The following FAM120AOS variants were observed in gnomAD, a reference collection of about 807,000 sequenced individuals.
The protein encoded by FAM120AOS is family with sequence similarity 120 member A opposite strand.
In FAM120AOS, 15 loss-of-function variants were observed where a neutral mutation model predicts 20.2. The observed-to-expected ratio is 0.74, with a 90% CI of 0.50 to 1.15. The LOEUF is 1.15. Ranked by LOEUF, FAM120AOS falls within the 50% of genes most tolerant of loss-of-function variation. The pLI is 0.00. For synonymous variants in FAM120AOS, 154 were observed against 154.0 expected (o/e 1.00, Z 0.00); for missense variants, 327 against 351.9 (o/e 0.93, Z 0.57).
In FAM120AOS at chr9:93,450,498, G is replaced by C. The variant is rs1291900056; in HGVS notation, c.665C>G (p.Pro222Arg). 51 of 1,585,654 alleles carry C rather than the reference G, an allele frequency of 3.2e-5. No individual in the cohort carries two copies. Among genetic ancestry groups the C allele is most frequent in the Non-Finnish European group, 4.2e-5 (49 of 1,169,402 alleles). Residue 222 changes from proline (P) to arginine (R), a missense_variant, in exon 2 of 3, where the codon CCC (proline) becomes CGC (arginine). Pro to Arg is a moderately radical substitution (Grantham distance 103). This residue lies in a region of FAM120AOS where 86 missense variants were observed against 82.9 expected (regional missense o/e 1.04). Transcript: ENST00000375412. ...LHAHGLAKEA[P>R]ILPVKKISRS... ...ACTTGCCTTTTTCACCGGGAGTATG[G>C]GGGCTTCTTTGGCCAAACCGTGCGC...
At chr9:93,447,863 A>C (rs1288655995) in intron 2 of FAM120AOS, among the ~76,000 whole-genome samples, 166 bp from the exon 3 acceptor site, 4 of 152,324 alleles carry the variant, frequency 2.6e-5, no homozygotes, top group African/African-American at 9.6e-5. Flanking sequence ...AAGACCAAAA[A>C]ACTCAACTGC....
In FAM120AOS at chr9:93,452,526, T is replaced by G. The variant is rs564664349; in HGVS notation, c.184A>C (p.Arg62=). The change falls in exon 1 of 3, where the codon AGG becomes CGG. Residue 62 remains arginine, a synonymous_variant. Transcript: ENST00000375412. The surrounding 1 kb of genome is among the most constrained non-coding windows in gnomAD (Gnocchi z 7.0). ...RPSILQPGPA[R]LSRARAGGTR... The stretch of plus-strand genomic sequence containing the variant: ...CCCCCAGCCCTTGCCCGGGATAGCC[T>G]GGCCGGGCCGGGCTGCAAGATGGAT... The G allele has an allele frequency of 4.3e-4, 668 of 1,557,906 alleles. 2 individuals carry two copies. The highest frequency in any genetic ancestry group is 1.8e-3 in the Middle Eastern group (9 of 4,892).
At chr9:93,451,908 C>A (rs1857244760) in intron 1 of FAM120AOS, 1 of 1,280,694 alleles carries the variant, frequency 7.8e-7, no homozygotes, top group Non-Finnish European at 9.8e-7. Flanking sequence ...CGCGCCCCCG[C>A]CGCCGCCATG....
rs1856807560 is a variant in FAM120AOS at position 93,445,232 on chromosome 9, GTACTCA to G, written c.*2373_*2378del. ...CAGCATTCCTTTTCCCTTCCTAAAG[GTACTCA>G]GGTTTCTTTCTCAGAAATTGTATAT... On this transcript the variant is annotated 3_prime_UTR_variant, in exon 3 of 3. Transcript: ENST00000375412. Among the ~76,000 whole-genome samples, 2 of 151,982 alleles carry G rather than the reference GTACTCA, an allele frequency of 1.3e-5. No homozygotes were observed. Among genetic ancestry groups the G allele is most frequent in the African/African-American group, 4.8e-5 (2 of 41,352 alleles).
At chr9:93,451,791 G>A (rs1588755507) in intron 1 of FAM120AOS, 1 of 612,640 alleles carries the variant, frequency 1.6e-6, no homozygotes, top group South Asian at 7.7e-5. Flanking sequence ...GCGCGCCCCC[G>A]ACCCGCCCCA....
rs1857326017 is a variant in FAM120AOS at position 93,452,761 on chromosome 9, C to T, written c.-52G>A. ...TCACCTTCAACTTTGACAAAATACTCCCTTTTCTAATTTAGCCTGTTCTTT... is the reference window on the plus strand; with the variant it reads ...TCACCTTCAACTTTGACAAAATACTTCCTTTTCTAATTTAGCCTGTTCTTT... On this transcript the variant is annotated 5_prime_UTR_variant, in exon 1 of 3. Coordinates refer to ENST00000375412, the MANE Select transcript of FAM120AOS (RefSeq NM_198841.4). This position sits in a 1 kb window ranked among gnomAD's most constrained non-coding sequence, Gnocchi z 7.0. The T allele has an allele frequency of 3.1e-6, 5 of 1,596,974 alleles. No homozygotes were observed. The highest frequency in any genetic ancestry group is 4.5e-5 in the East Asian group (2 of 44,822).
At chr9:93,451,393 GC>G in intron 1 of FAM120AOS, 1 of 1,389,326 alleles carries the variant, frequency 7.2e-7, no homozygotes, top group South Asian at 1.5e-5. Flanking sequence ...CTCTGGCCCT[GC>G]CGGGAACAGG....
chr9:93,453,077 T>A lies in FAM120AOS; in HGVS notation c.-368A>T. Reference sequence around the variant, plus strand: ...TGACAGGATGGGATTTTGTCAGTTCTGTGACTTCACGTCCGTGTGAAAGAG... The same window carrying A: ...TGACAGGATGGGATTTTGTCAGTTCAGTGACTTCACGTCCGTGTGAAAGAG... On this transcript the variant is annotated 5_prime_UTR_variant, in exon 1 of 3. Transcript: ENST00000375412. 1 of 1,083,010 alleles carries A rather than the reference T, an allele frequency of 9.2e-7. No homozygotes were observed. Among genetic ancestry groups the A allele is most frequent in the Non-Finnish European group, 1.1e-6 (1 of 891,160 alleles). The allele number at this position is 1,083,010 out of a possible 1,614,324, so 67.1% of individuals were successfully genotyped here. A position where few individuals can be genotyped will look rare whatever the true frequency, so the allele number is the denominator to read the frequency against.
At position 93,446,789 on chromosome 9, in the gene FAM120AOS, C is replaced by G. The variant is rs536171660; in HGVS notation, c.*822G>C. 6.6e-6 allele frequency: 1 copy of G among 152,062 alleles called. No homozygotes were observed. The highest frequency in any genetic ancestry group is 2.1e-4 in the South Asian group (1 of 4,814). The allele number at this position is 152,062 out of a possible 1,614,324, so 9.4% of individuals were successfully genotyped here. On this transcript the variant is annotated 3_prime_UTR_variant, in exon 3 of 3. Coordinates refer to ENST00000375412, the MANE Select transcript of FAM120AOS (RefSeq NM_198841.4). The stretch of plus-strand genomic sequence containing the variant: ...CCACATAGATATTTTTGCATCAGCC[C>G]AAAGCTATTTGGACACAAGTTTGGT...
Position 93,452,327 on chromosome 9 carries a change from T to C in FAM120AOS, c.383A>G (p.Asn128Ser). The C allele has an allele frequency of 6.2e-7, 1 of 1,612,966 alleles. No homozygotes were observed. The highest frequency in any genetic ancestry group is 8.5e-7 in the Non-Finnish European group (1 of 1,179,852). ...MQWAMQTGGR[N>S]QTFGGGVPLF... Reference sequence around the variant, plus strand: ...GGGCACCCCGCCGCCAAAGGTCTGGTTCCTGCCGCCCGTCTGCATGGCCCA... The same window carrying C: ...GGGCACCCCGCCGCCAAAGGTCTGGCTCCTGCCGCCCGTCTGCATGGCCCA... Residue 128 changes from asparagine (N) to serine (S), a missense_variant, in exon 1 of 3, where the codon AAC becomes AGC. This residue lies in a region of FAM120AOS where 86 missense variants were observed against 140.2 expected (regional missense o/e 0.61). Coordinates refer to ENST00000375412, the MANE Select transcript of FAM120AOS (RefSeq NM_198841.4). This position sits in a 1 kb window ranked among gnomAD's most constrained non-coding sequence, Gnocchi z 7.0.
rs761952580 is a variant in FAM120AOS at position 93,452,566 on chromosome 9, G to T, written c.144C>A (p.Gly48=). 3.1e-6 allele frequency: 5 copies of T among 1,590,312 alleles called. No homozygotes were observed. In the African/African-American group the frequency reaches 6.7e-5, roughly 21 times the overall value. The stretch of plus-strand genomic sequence containing the variant: ...GCAAGATGGATGGCCGCGGGTGCAG[G>T]CCGCGCGCTGCCCAAGCCCGTCTCC... ...DSWRRAWAAR[G]LHPRPSILQP... The change falls in exon 1 of 3, where the codon GGC becomes GGA. Residue 48 remains glycine (G), a synonymous_variant. Transcript: ENST00000375412. The surrounding 1 kb of genome is among the most constrained non-coding windows in gnomAD (Gnocchi z 7.0).
chr9:93,450,712 A>C, intron 1 of FAM120AOS, 113 bp from the exon 2 acceptor site: 1 of 1,494,000 alleles, frequency 6.7e-7, no homozygotes, highest in Non-Finnish European at 9.1e-7. Context: ...CTCTTTTTGA[A>C]AATGTTTTAT....
rs754894917 is a variant in FAM120AOS, at chr9:93,450,495, A to T, written c.668T>A (p.Ile223Lys). 1.3e-5 allele frequency: 21 copies of T among 1,583,660 alleles called. No individual in the cohort carries two copies. The highest frequency in any genetic ancestry group is 1.7e-5 in the Non-Finnish European group (20 of 1,168,128). The part of the protein sequence containing the change: ...HAHGLAKEAP[I>K]LPVKKISRSC... ...CCAACTTGCCTTTTTCACCGGGAGT[A>T]TGGGGGCTTCTTTGGCCAAACCGTG... is the stretch of plus-strand genomic sequence containing the variant. The change falls in exon 2 of 3, where the codon ATA (isoleucine) becomes AAA (lysine). Residue 223 changes from isoleucine (I) to lysine (K), a missense_variant. Coordinates refer to ENST00000375412, the MANE Select transcript of FAM120AOS (RefSeq NM_198841.4).
intron 2 of FAM120AOS, 59 bp downstream of exon 2, chr9:93,450,420 T>C (rs2131144220): frequency 6.6e-7 from 1 of 1,518,238 alleles, no homozygotes. Context: ...TATGTACGTA[T>C]GATACTGGCT....
intron 1 of FAM120AOS, chr9:93,451,921 C>T (rs764816107): frequency 1.4e-6 from 2 of 1,427,398 alleles, no homozygotes; most frequent in South Asian, 1.5e-5. Context: ...CCGCCATGGG[C>T]GTGCAGGGCT....
intron 1 of FAM120AOS, chr9:93,451,525 T>C (rs2131155291): frequency 5.0e-6 from 5 of 993,182 alleles, no homozygotes; most frequent in Non-Finnish European, 6.0e-6. Flanking sequence ...ACTCCGGGCC[T>C]CCGCCTCCGC....
chr9:93,445,580 GTTGTTT>G lies in FAM120AOS; in HGVS notation c.*2025_*2030del, dbSNP rs1170737732. ...TGGTTCTCCAACTTTCATAAAAATC[GTTGTTT>G]TTTTTTTTTTTTTTTTTTTTTGAGA... On this transcript the variant is annotated 3_prime_UTR_variant, in exon 3 of 3. Transcript: ENST00000375412. Among the ~76,000 whole-genome samples the G allele has an allele frequency of 9.6e-3, 1,024 of 106,270 alleles. 14 individuals carry two copies. Among genetic ancestry groups the G allele is most frequent in the African/African-American group, 0.034 (959 of 28,098 alleles). 69.7% of individuals were successfully genotyped at this position (106,270 alleles called of 152,430 possible). A position where few individuals can be genotyped will look rare whatever the true frequency, so the allele number is the denominator to read the frequency against.
chr9:93,448,595 A>G (rs1856944134), intron 2 of FAM120AOS: 1 of 153,050 alleles, frequency 6.5e-6, no homozygotes, highest in African/African-American at 2.4e-5. Context: ...ACTTTTTATT[A>G]AATTTTAAAT....
intron 2 of FAM120AOS, 101 bp downstream of exon 2, chr9:93,450,377 TG>T: frequency 6.8e-7 from 1 of 1,475,970 alleles, no homozygotes; most frequent in Non-Finnish European, 9.0e-7. Flanking sequence ...TGCTTTTAAA[TG>T]TAACTTCCTA....
Sources: allele counts gnomAD v4.1 joint callset (sites outside exome capture counted in the v4.1 genomes callset), GRCh38; gene constraint gnomAD v4.1.1; regional missense constraint gnomAD v4.1.1; non-coding constraint Gnocchi (gnomAD v3.1); transcripts MANE v1.5; gene names NCBI Gene and HGNC (gene_info 2026-07-23, HGNC 2026-07-21).